The following UACA variants were observed in gnomAD, a reference collection of about 807,000 sequenced individuals.
UACA encodes uveal autoantigen with coiled-coil domains and ankyrin repeats.
UACA carries 112 observed loss-of-function variants against 160.5 expected under a neutral mutation model. The observed-to-expected ratio is 0.70, with a 90% CI of 0.60 to 0.82. UACA has a LOEUF of 0.82. UACA is among the 40% of genes least tolerant of loss of function. The pLI, the probability that UACA is intolerant of heterozygous loss-of-function variation, is 0.00. For missense variants in UACA, 1,574 were observed against 1,614.6 expected, an observed-to-expected ratio of 0.97 and a Z score of 0.43; for synonymous variants, 557 against 568.4, an observed-to-expected ratio of 0.98 and a Z score of 0.29.
the UACA span, among the ~76,000 whole-genome samples, chr15:70,769,959 T>G: frequency 3.9e-5 from 6 of 152,222 alleles, no homozygotes; most frequent in Admixed American, 3.3e-4. Context: ...ATTGCGCCAT[T>G]GCACTCTAGC....
intron 1 of UACA, among the ~76,000 whole-genome samples, chr15:70,726,814 A>G (rs903177702): frequency 1.1e-4 from 17 of 152,200 alleles, no homozygotes; most frequent in African/African-American, 4.1e-4. Flanking sequence ...AAAGTTATAC[A>G]AAGAATCACA....
At chr15:70,690,625 G>A (rs918037491) in intron 4 of UACA, 114 bp from the exon 5 acceptor site, 5 of 768,228 alleles carry the variant, frequency 6.5e-6, no homozygotes, top group Non-Finnish European at 1.1e-5. Context: ...TATCAAAGAA[G>A]CTAAAGACTA....
intron 13 of UACA, among the ~76,000 whole-genome samples, chr15:70,675,772 GA>G (rs1457586559): frequency 6.6e-6 from 1 of 152,116 alleles, no homozygotes; most frequent in Non-Finnish European, 1.5e-5. Context: ...AAAATGTGTT[GA>G]AACTTAAATT....
intron 18 of UACA, 40 bp from the exon 19 acceptor site, chr15:70,657,167 T>A (rs1250158630): frequency 2.6e-6 from 4 of 1,532,208 alleles, no homozygotes; most frequent in Non-Finnish European, 3.6e-6. Context: ...TTTTATGTCA[T>A]CTTTGTTTAC....
chr15:70,718,551 G>A (rs1255374444), intron 1 of UACA, among the ~76,000 whole-genome samples: 1 of 152,036 alleles, frequency 6.6e-6, no homozygotes, highest in African/African-American at 2.4e-5. Context: ...CATATCTTAC[G>A]AGGCCTGTTC....
intron 15 of UACA, among the ~76,000 whole-genome samples, chr15:70,670,621 C>T (rs1897103729): frequency 6.6e-6 from 1 of 152,048 alleles, no homozygotes. Flanking sequence ...TTGCTGCAGA[C>T]CCCTACAGAT....
Position 70,668,602 on chromosome 15 carries a change from T to TA in UACA, c.2081dup (p.Leu694PhefsTer14). 1 of 1,613,836 alleles carries TA rather than the reference T, an allele frequency of 6.2e-7. No individual in the cohort carries two copies. Among genetic ancestry groups the TA allele is most frequent in the Non-Finnish European group, 8.5e-7 (1 of 1,179,992 alleles). On this transcript the variant is annotated frameshift_variant, in exon 16 of 19. Coordinates refer to ENST00000322954, the MANE Select transcript of UACA (RefSeq NM_018003.4). LOFTEE classifies it high-confidence loss of function. ...TCCCAAGTTCTCCTGATTTCTGTTC[T>TA]AATCTGCTCTTAACCTGTTCATGTT...
chr15:70,746,925 T>A (rs1328186624), intron 1 of UACA, among the ~76,000 whole-genome samples: 1 of 151,446 alleles, frequency 6.6e-6, no homozygotes, highest in Non-Finnish European at 1.5e-5. Context: ...TAAGTAGGAG[T>A]TGAACAATGA....
At chr15:70,724,680 T>G (rs1899093554) in intron 1 of UACA, among the ~76,000 whole-genome samples, 1 of 152,152 alleles carries the variant, frequency 6.6e-6, no homozygotes, top group South Asian at 2.1e-4. Context: ...CAAGGCACAC[T>G]TATAATTGCC....
At position 70,678,214 on chromosome 15, in the gene UACA, A is replaced by C. The variant is rs1444248890; in HGVS notation, c.892-8T>G. ...ATTTTCAATCTCCAAATCCTTAAAT[A>C]ATAAAGACAACAAGGTGCCAGGCCA... On this transcript the variant is annotated splice_region_variant and splice_polypyrimidine_tract_variant and intron_variant, in intron 10 of 18. Coordinates refer to ENST00000322954, the MANE Select transcript of UACA (RefSeq NM_018003.4). 3 of 1,593,068 alleles carry C rather than the reference A, an allele frequency of 1.9e-6. No homozygotes were observed. The highest frequency in any genetic ancestry group is 2.6e-6 in the Non-Finnish European group (3 of 1,171,552).
chr15:70,681,553 CT>C (rs1566972487), intron 9 of UACA: 2 of 152,072 alleles, frequency 1.3e-5, no homozygotes, highest in African/African-American at 4.8e-5. Context: ...TTCAATAATT[CT>C]TTTTATTTTA....
At chr15:70,666,662 G>A in intron 16 of UACA, 62 bp downstream of exon 16, 1 of 1,319,174 alleles carries the variant, frequency 7.6e-7, no homozygotes, top group East Asian at 2.5e-5. Flanking sequence ...GTGAGATTCT[G>A]TGGTAAAGAG....
At chr15:70,699,387 T>G (rs1198050657) in intron 2 of UACA, 140 bp downstream of exon 2, 3 of 893,642 alleles carry the variant, frequency 3.4e-6, no homozygotes, top group African/African-American at 1.7e-5. Context: ...AATTATTAGT[T>G]TGTTTGAAAG....
intron 1 of UACA, among the ~76,000 whole-genome samples, chr15:70,716,556 A>T (rs1203892951): frequency 6.6e-6 from 1 of 152,200 alleles, no homozygotes; most frequent in Non-Finnish European, 1.5e-5. Context: ...AGAAATACAA[A>T]CATCTTACCT....
At chr15:70,770,129 T>C in the UACA span, among the ~76,000 whole-genome samples, 1 of 152,212 alleles carries the variant, frequency 6.6e-6, no homozygotes, top group Non-Finnish European at 1.5e-5. Context: ...ACCATTCCCT[T>C]CCCTTTCTGG....
chr15:70,774,293 T>C, the UACA span, among the ~76,000 whole-genome samples: 9 of 152,238 alleles, frequency 5.9e-5, no homozygotes, highest in African/African-American at 1.7e-4. Context: ...ACTCCTGTAA[T>C]CCCAGCACTT....
chr15:70,758,757 C>T (rs968676741), intron 1 of UACA: 4 of 152,174 alleles, frequency 2.6e-5, no homozygotes, highest in African/African-American at 9.7e-5. Context: ...TGCTTTAAAA[C>T]ATATTTAGTT....
chr15:70,662,447 T>G (rs1896743992), intron 17 of UACA, among the ~76,000 whole-genome samples: 1 of 152,166 alleles, frequency 6.6e-6, no homozygotes, highest in Non-Finnish European at 1.5e-5. Flanking sequence ...CAAGGTAATT[T>G]ATAGATTCAA....
At chr15:70,721,983 C>T (rs1899006951) in intron 1 of UACA, among the ~76,000 whole-genome samples, 3 of 152,130 alleles carry the variant, frequency 2.0e-5, no homozygotes, top group South Asian at 4.1e-4. Flanking sequence ...AGTCTGAATC[C>T]TATTTAAAAA....
Sources: allele counts gnomAD v4.1 joint callset (sites outside exome capture counted in the v4.1 genomes callset), GRCh38; gene constraint gnomAD v4.1.1; transcripts MANE v1.5; gene names NCBI Gene and HGNC (gene_info 2026-07-23, HGNC 2026-07-21).